Variants in FMO1 observed in about 807,000 individuals in gnomAD.
FMO1 encodes the protein flavin-containing monooxygenase 1.
A neutral mutation model predicts 45.4 loss-of-function variants in FMO1; 36 were observed. The ratio of observed to expected loss-of-function variants is 0.79; its 90% CI spans 0.61 to 1.05. The LOEUF (loss-of-function observed/expected upper bound fraction) is 1.05. Among genes scored for constraint, FMO1 ranks in the 50% least tolerant of loss-of-function variants. The pLI is 0.00. For synonymous variants in FMO1, 228 were observed against 227.2 expected (o/e 1.00, Z -0.03); for missense variants, 615 against 640.3 (o/e 0.96, Z 0.43).
At chr1:171,259,783 C>A (rs898352934) in intron 2 of FMO1, among the ~76,000 whole-genome samples, 3 of 152,164 alleles carry the variant, frequency 2.0e-5, no homozygotes, top group Non-Finnish European at 4.4e-5. Flanking sequence ...AGAAATGAGT[C>A]TGGATCCAGC....
chr1:171,277,574 T>C (rs906741142), intron 4 of FMO1, among the ~76,000 whole-genome samples: 3 of 152,174 alleles, frequency 2.0e-5, no homozygotes, highest in African/African-American at 7.2e-5. Flanking sequence ...GAGTCTCATT[T>C]TTGTCCATTT....
At position 171,285,601 on chromosome 1, in the gene FMO1, T is replaced by A; in HGVS notation, c.*57T>A. ...AGTAGATTTACAATGCTCCAATTCCTCTCTTACAGCAATATTGCCTTCACA... is the reference window on the plus strand; with the variant it reads ...AGTAGATTTACAATGCTCCAATTCCACTCTTACAGCAATATTGCCTTCACA... On this transcript the variant is annotated 3_prime_UTR_variant, in exon 9 of 9. Transcript: ENST00000617670. The A allele has an allele frequency of 9.5e-7, 1 of 1,052,374 alleles. No homozygotes were observed. The highest frequency in any genetic ancestry group is 1.4e-6 in the Non-Finnish European group (1 of 728,536). The allele number at this position is 1,052,374 out of a possible 1,614,324, so 65.2% of individuals were successfully genotyped here.
chr1:171,252,421 T>G (rs1659933925), intron 1 of FMO1, among the ~76,000 whole-genome samples: 1 of 152,122 alleles, frequency 6.6e-6, no homozygotes, highest in South Asian at 2.1e-4. Context: ...ACTAATACAG[T>G]CCCTTCCCCA....
At chr1:171,276,988 G>C (rs1183770993) in intron 4 of FMO1, among the ~76,000 whole-genome samples, 1 of 152,092 alleles carries the variant, frequency 6.6e-6, no homozygotes, top group African/African-American at 2.4e-5. Context: ...TGAAGAGCTT[G>C]GATTACTTTA....
At chr1:171,249,576 ATC>A (rs10553752) in intron 1 of FMO1, among the ~76,000 whole-genome samples, 13,084 of 152,106 alleles carry the variant, frequency 0.086, 858 homozygotes, top group African/African-American at 0.19. Context: ...ATCCAGCTGA[ATC>A]TCTCTCTGAT....
rs36027678 is a variant in FMO1 at position 171,274,148 on chromosome 1, C to CAA, written c.322-1181_322-1180dup. On this transcript the variant is annotated intron_variant, in intron 3 of 8. Transcript: ENST00000617670. ...TGGGCAACAGAGCGAGACTCCATCT[C>CAA]AAAAAAAAAAAAAAAAAAGTAAACA... Among the ~76,000 whole-genome samples, 48 of 96,666 alleles carry CAA rather than the reference C, an allele frequency of 5.0e-4. 1 individual carries two copies. The highest frequency in any genetic ancestry group is 0.015 in the Middle Eastern group (2 of 132). 63.4% of individuals were successfully genotyped at this position (96,666 alleles called of 152,430 possible).
In FMO1 at chr1:171,275,372, C is replaced by T. The variant is rs753929653; in HGVS notation, c.348C>T (p.Cys116=). The T allele has an allele frequency of 5.6e-6, 9 of 1,613,722 alleles. No individual in the cohort carries two copies. In the East Asian group the frequency reaches 8.9e-5, roughly 16 times the overall value. The change falls in exon 4 of 9, where the codon TGC becomes TGT. Residue 116 remains cysteine (C), a synonymous_variant. Coordinates refer to ENST00000617670, the MANE Select transcript of FMO1 (RefSeq NM_001282693.2). ...FKTKVCSVTK[C]SDSAVSGQWE... is the part of the protein sequence containing the mutation. ...CCAAAGTCTGCAGTGTAACAAAATGCTCAGATTCTGCTGTCTCTGGCCAAT... is the reference window on the plus strand; with the variant it reads ...CCAAAGTCTGCAGTGTAACAAAATGTTCAGATTCTGCTGTCTCTGGCCAAT...
chr1:171,259,001 T>A (rs1660279696), intron 2 of FMO1, among the ~76,000 whole-genome samples: 1 of 152,142 alleles, frequency 6.6e-6, no homozygotes, highest in Non-Finnish European at 1.5e-5. Flanking sequence ...CAGGGAAACA[T>A]TTGCATCAAA....
rs1285239577 is a variant in FMO1 at position 171,278,850 on chromosome 1, G to A, written c.606G>A (p.Glu202=). ...MGNSGTDIAV[E]ASHLAEKVFL... ...ATTCTGGCACAGACATTGCTGTGGA[G>A]GCCAGCCACCTGGCGGAAAAGGTAC... The change falls in exon 5 of 9, where the codon GAG becomes GAA. Residue 202 remains glutamate (E), a synonymous_variant. Transcript: ENST00000617670. 6.2e-7 allele frequency: 1 copy of A among 1,611,546 alleles called. No individual in the cohort carries two copies. The highest frequency in any genetic ancestry group is 8.5e-7 in the Non-Finnish European group (1 of 1,178,348).
At chr1:171,275,545 G>A (rs367939290) in intron 4 of FMO1, 37 bp downstream of exon 4, 317 of 1,507,996 alleles carry the variant, frequency 2.1e-4, no homozygotes, top group Non-Finnish European at 2.7e-4. Context: ...AAGTTTTCTC[G>A]TGGGAGCCAT....
At chr1:171,273,909 TAATCCC>T (rs1660983784) in intron 3 of FMO1, among the ~76,000 whole-genome samples, 1 of 152,160 alleles carries the variant, frequency 6.6e-6, no homozygotes, top group East Asian at 1.9e-4. Context: ...CCCACACCTG[TAATCCC>T]AGCACTTTGG....
chr1:171,256,077 T>C (rs1021376354), intron 1 of FMO1, among the ~76,000 whole-genome samples: 1 of 151,864 alleles, frequency 6.6e-6, no homozygotes, highest in Non-Finnish European at 1.5e-5. Flanking sequence ...ATCAAGACCA[T>C]CCTGGCTAAC....
At chr1:171,273,670 T>C (rs1660970324) in intron 3 of FMO1, among the ~76,000 whole-genome samples, 1 of 152,094 alleles carries the variant, frequency 6.6e-6, no homozygotes, top group African/African-American at 2.4e-5. Context: ...CATACTACCA[T>C]GCCTGGCTAT....
At position 171,280,806 on chromosome 1, in the gene FMO1, A is replaced by AG; in HGVS notation, c.653dup (p.Trp219MetfsTer8). 7 of 1,612,824 alleles carry AG rather than the reference A, an allele frequency of 4.3e-6. No individual in the cohort carries two copies. Among genetic ancestry groups the AG allele is most frequent in the Non-Finnish European group, 5.9e-6 (7 of 1,179,722 alleles). ...TCCAGGTGTTCCTCAGCACCACCGG[A>AG]GGGGGATGGGTGATCAGCCGAATCT... On this transcript the variant is annotated frameshift_variant, in exon 6 of 9. Coordinates refer to ENST00000617670, the MANE Select transcript of FMO1 (RefSeq NM_001282693.2). LOFTEE classifies it high-confidence loss of function.
intron 8 of FMO1, 30 bp from the exon 9 acceptor site, chr1:171,285,172 A>G (rs1325340464): frequency 7.9e-5 from 114 of 1,439,522 alleles, no homozygotes; most frequent in Non-Finnish European, 1.0e-4. Flanking sequence ...TTTTGTCTTC[A>G]CCTTTTCCCC....
Position 171,272,437 on chromosome 1 carries a change from G to A in FMO1, c.322-2909G>A, listed in dbSNP as rs144757998. 7.1e-3 allele frequency among the ~76,000 whole-genome samples: 1,085 copies of A among 152,302 alleles called. 8 individuals carry two copies. Among genetic ancestry groups the A allele is most frequent in the Non-Finnish European group, 0.01 (702 of 68,016 alleles). ...TCTGCCTAGTGGAGCTGTGAGAAGA[G>A]GGCCACCATCCTTCAGACCCCAGAA... On this transcript the variant is annotated intron_variant, in intron 3 of 8. Transcript: ENST00000617670.
chr1:171,277,972 A>T (rs953812207), intron 4 of FMO1, among the ~76,000 whole-genome samples: 1 of 152,226 alleles, frequency 6.6e-6, no homozygotes. Context: ...TGTTGTCTTA[A>T]GAGTATTTTC....
chr1:171,257,562 C>T (rs1660210847), intron 1 of FMO1, among the ~76,000 whole-genome samples: 2 of 152,160 alleles, frequency 1.3e-5, no homozygotes, highest in Non-Finnish European at 2.9e-5. Context: ...CAGGGCAGTG[C>T]CGCGGTAGCA....
chr1:171,256,189 T>A (rs955318419), intron 1 of FMO1, among the ~76,000 whole-genome samples: 1 of 144,026 alleles, frequency 6.9e-6, no homozygotes, highest in African/African-American at 2.6e-5. Flanking sequence ...AGGAGAATGG[T>A]GTGAACCTAG....
Sources: gnomAD v4.1 joint callset for allele counts (sites outside exome capture counted in the v4.1 genomes callset) on GRCh38, gnomAD v4.1.1 for gene constraint, MANE v1.5 for transcripts, NCBI Gene and HGNC (gene_info 2026-07-23, HGNC 2026-07-21) for gene names.